RSU1: variants seen among roughly 807,000 people sequenced by gnomAD.
The protein encoded by RSU1 is rsu-1.
Under a neutral mutation model 31.1 loss-of-function variants are expected in RSU1, and 26 were observed. The observed-to-expected ratio is 0.84, with a 90% confidence interval of 0.61 to 1.16. RSU1 has a LOEUF of 1.16. Ranked by LOEUF, RSU1 falls within the 50% of genes most tolerant of loss-of-function variation. RSU1 has a pLI of 0.00. For synonymous variants in RSU1, 164 were observed against 136.3 expected (o/e 1.20, Z -1.41); for missense variants, 320 against 339.1 (o/e 0.94, Z 0.44).
At chr10:16,716,376 T>C (rs764162821) in intron 7 of RSU1, among the ~76,000 whole-genome samples, 20 of 152,196 alleles carry the variant, frequency 1.3e-4, no homozygotes, top group Non-Finnish European at 2.5e-4. Context: ...GTCTACACTA[T>C]TGCAGAGAAA....
At chr10:16,772,174 G>A (rs1439714255) in intron 3 of RSU1, among the ~76,000 whole-genome samples, 1 of 151,942 alleles carries the variant, frequency 6.6e-6, no homozygotes, top group Non-Finnish European at 1.5e-5. Context: ...AAAATTAGAG[G>A]AAAAAAGGCA....
At chr10:16,775,703 C>A (rs1171725778) in intron 3 of RSU1, among the ~76,000 whole-genome samples, 1 of 152,188 alleles carries the variant, frequency 6.6e-6, no homozygotes, top group Non-Finnish European at 1.5e-5. Context: ...ACATGCCCAA[C>A]TGCCAGTGCT....
intron 2 of RSU1, among the ~76,000 whole-genome samples, chr10:16,802,321 T>G (rs951330842): frequency 1.1e-4 from 17 of 152,022 alleles, no homozygotes; most frequent in African/African-American, 3.9e-4. Flanking sequence ...ATGTTATAAC[T>G]TAGATAAAAT....
In RSU1 at chr10:16,817,006, C is replaced by A; in HGVS notation, c.76G>T (p.Gly26Cys). ...NQPEVDMSDR[G>C]ISNMLDVNGL... ...TTGACATCCAGCATGTTGGAGATGCCCCGGTCACTCATGTCCACCTCGGGC... is the reference window on the plus strand; with the variant it reads ...TTGACATCCAGCATGTTGGAGATGCACCGGTCACTCATGTCCACCTCGGGC... The change falls in exon 2 of 9, where the codon GGC becomes TGC. Residue 26 changes from glycine to cysteine, a missense_variant. Gly to Cys is a radical substitution (Grantham distance 159). Coordinates refer to ENST00000345264, the MANE Select transcript of RSU1 (RefSeq NM_012425.4). 6.2e-7 allele frequency: 1 copy of A among 1,614,138 alleles called. No individual in the cohort carries two copies. Among genetic ancestry groups the A allele is most frequent in the South Asian group, 1.1e-5 (1 of 91,082 alleles).
intron 4 of RSU1, among the ~76,000 whole-genome samples, chr10:16,757,467 C>A (rs1302174246): frequency 1.3e-5 from 2 of 152,168 alleles, no homozygotes; most frequent in East Asian, 3.9e-4. Flanking sequence ...CTACACCCAG[C>A]AAAACTACCT....
At position 16,752,639 on chromosome 10, in the gene RSU1, A is replaced by G; in HGVS notation, c.498T>C (p.Asp166=). The change falls in exon 7 of 9, where the codon GAT becomes GAC. Residue 166 remains aspartate (D), a synonymous_variant. Coordinates refer to ENST00000345264, the MANE Select transcript of RSU1 (RefSeq NM_012425.4). ...CCTTAGGCAGCGAGATCAGGTCGTTATCCCTAAGGCTGAGCTAAACAGAAG... is the reference window on the plus strand; with the variant it reads ...CCTTAGGCAGCGAGATCAGGTCGTTGTCCCTAAGGCTGAGCTAAACAGAAG... ...LTKLQILSLR[D]NDLISLPKEI... 1 of 1,613,576 alleles carries G rather than the reference A, an allele frequency of 6.2e-7. No homozygotes were observed. Among genetic ancestry groups the G allele is most frequent in the East Asian group, 2.2e-5 (1 of 44,872 alleles).
At chr10:16,610,207 C>T (rs1588672915) in intron 8 of RSU1, among the ~76,000 whole-genome samples, 1 of 151,416 alleles carries the variant, frequency 6.6e-6, no homozygotes, top group South Asian at 2.1e-4. Flanking sequence ...TTAGAGCACA[C>T]TGTCCGTCAG....
chr10:16,624,998 C>T (rs573871257), intron 8 of RSU1, among the ~76,000 whole-genome samples: 2 of 152,092 alleles, frequency 1.3e-5, no homozygotes, highest in Non-Finnish European at 2.9e-5. Flanking sequence ...GTGGGTATCA[C>T]CTTCATTAGT....
chr10:16,637,123 C>T (rs1452663407), intron 8 of RSU1, among the ~76,000 whole-genome samples: 1 of 152,238 alleles, frequency 6.6e-6, no homozygotes, highest in African/African-American at 2.4e-5. Flanking sequence ...AATTAGCTAG[C>T]TGAGGCCACT....
At chr10:16,643,760 C>T (rs558927403) in intron 8 of RSU1, among the ~76,000 whole-genome samples, 5 of 151,836 alleles carry the variant, frequency 3.3e-5, no homozygotes, top group South Asian at 2.1e-4. Flanking sequence ...CTTAAAGGGT[C>T]GCTGTTAAGG....
At chr10:16,750,506 G>T (rs1228613896) in intron 7 of RSU1, among the ~76,000 whole-genome samples, 1 of 152,142 alleles carries the variant, frequency 6.6e-6, no homozygotes, top group Non-Finnish European at 1.5e-5. Context: ...AAATGAGTAA[G>T]ATTTTAAAAT....
intron 8 of RSU1, among the ~76,000 whole-genome samples, chr10:16,622,939 A>G (rs1187269343): frequency 6.6e-6 from 1 of 152,234 alleles, no homozygotes; most frequent in Non-Finnish European, 1.5e-5. Context: ...TGAAATTAGG[A>G]GAGAGCTGCA....
At chr10:16,722,878 A>AGC (rs1836300485) in intron 7 of RSU1, among the ~76,000 whole-genome samples, 1 of 145,960 alleles carries the variant, frequency 6.9e-6, no homozygotes, top group Non-Finnish European at 1.5e-5. Flanking sequence ...GTATATATAC[A>AGC]CACATATACA....
intron 8 of RSU1, among the ~76,000 whole-genome samples, chr10:16,664,493 A>G (rs1433334668): frequency 6.6e-6 from 1 of 152,224 alleles, no homozygotes; most frequent in Non-Finnish European, 1.5e-5. Context: ...TGCTGCATCT[A>G]AGACAACATT....
chr10:16,795,216 T>G (rs1838003765), intron 2 of RSU1, among the ~76,000 whole-genome samples: 1 of 151,528 alleles, frequency 6.6e-6, no homozygotes, highest in Admixed American at 6.6e-5. Context: ...TAGCCAAGTG[T>G]GATGGTGGGT....
intron 4 of RSU1, among the ~76,000 whole-genome samples, chr10:16,759,356 A>G (rs1326204813): frequency 6.6e-6 from 1 of 151,896 alleles, no homozygotes; most frequent in African/African-American, 2.4e-5. Flanking sequence ...AACCTACAAA[A>G]ATCAGCATGG....
At chr10:16,805,748 T>G (rs1262474786) in intron 2 of RSU1, among the ~76,000 whole-genome samples, 1 of 149,764 alleles carries the variant, frequency 6.7e-6, no homozygotes, top group Non-Finnish European at 1.5e-5. Context: ...TTTTTAGCAA[T>G]ACTGGCATTA....
intron 8 of RSU1, among the ~76,000 whole-genome samples, chr10:16,683,160 G>GTGTGTGTGTGTGTGTGTGT (rs1554766307): frequency 7.0e-6 from 1 of 143,352 alleles, no homozygotes. Flanking sequence ...ATGGGTGTGT[G>GTGTGTGTGTGTGTGTGTGT]GTGTGTGTGT....
chr10:16,661,718 G>C (rs1834894593), intron 8 of RSU1, among the ~76,000 whole-genome samples: 1 of 152,142 alleles, frequency 6.6e-6, no homozygotes, highest in African/African-American at 2.4e-5. Flanking sequence ...TGCTAGCTTT[G>C]TGAAAGAGTT....
Sources: allele counts gnomAD v4.1 joint callset (sites outside exome capture counted in the v4.1 genomes callset), GRCh38; gene constraint gnomAD v4.1.1; transcripts MANE v1.5; gene names NCBI Gene and HGNC (gene_info 2026-07-23, HGNC 2026-07-21).